LDLRAD1: variants seen among roughly 807,000 people sequenced by gnomAD.
LDLRAD1 encodes the protein low-density lipoprotein receptor class A domain-containing protein 1.
LDLRAD1 carries 17 observed loss-of-function variants against 24.8 expected under a neutral mutation model. The ratio of observed to expected loss-of-function variants is 0.69; its 90% CI spans 0.47 to 1.03. The LOEUF is 1.03. Among genes scored for constraint, LDLRAD1 ranks in the 50% least tolerant of loss-of-function variants. The probability of loss-of-function intolerance (pLI) is 0.00; values close to 1 mark genes in which losing one functional copy is unlikely to be tolerated. For missense variants in LDLRAD1, 277 were observed against 271.0 expected (o/e 1.02, Z -0.16); for synonymous variants, 103 against 108.2 (o/e 0.95, Z 0.30).
In LDLRAD1 at chr1:54,012,179, A is replaced by C; in HGVS notation, c.304T>G (p.Cys102Gly). 1 of 1,614,140 alleles carries C rather than the reference A, an allele frequency of 6.2e-7. No homozygotes were observed. The change falls in exon 4 of 6, where the codon TGT (cysteine) becomes GGT (glycine). Residue 102 changes from cysteine (C) to glycine (G), a missense_variant. Transcript: ENST00000371360. ...ASGVCDGVRT[C>G]THGEDEDESL... is the part of the protein sequence containing the mutation. ...TCATCCTCGTCCTCGCCGTGGGTAC[A>C]GGTGCGAACGCCATCACAGACCCCA...
At chr1:54,013,229 A>G (rs1277102000) in intron 3 of LDLRAD1, among the ~76,000 whole-genome samples, 1 of 152,122 alleles carries the variant, frequency 6.6e-6, no homozygotes, top group Non-Finnish European at 1.5e-5. Context: ...ATGAACATGC[A>G]TACACAGCTG....
chr1:54,013,372 C>T (rs1244008666), intron 3 of LDLRAD1, among the ~76,000 whole-genome samples: 2 of 151,816 alleles, frequency 1.3e-5, no homozygotes, highest in Non-Finnish European at 2.9e-5. Flanking sequence ...AGCCCCCGCC[C>T]CCACCTCAGC....
intron 4 of LDLRAD1, among the ~76,000 whole-genome samples, chr1:54,011,476 T>C (rs1656047620): frequency 6.6e-6 from 1 of 152,100 alleles, no homozygotes; most frequent in Admixed American, 6.5e-5. Context: ...CTTTTGAGAT[T>C]GCTTCTTGTC....
chr1:54,014,142 G>A (rs1656186403), intron 3 of LDLRAD1, 94 bp downstream of exon 3: 1 of 1,445,622 alleles, frequency 6.9e-7, no homozygotes, highest in Non-Finnish European at 9.4e-7. Context: ...GTCACCTGGT[G>A]GAGAAGCCAG....
In LDLRAD1 at chr1:54,007,774, AC is replaced by A. The variant is rs1438966517; in HGVS notation, c.*1207del. On this transcript the variant is annotated 3_prime_UTR_variant, in exon 6 of 6. Transcript: ENST00000371360. The stretch of plus-strand genomic sequence containing the variant: ...CTCACTTTTAAAATACCCCGCAGAG[AC>A]TGCCCTGGCCAAGGTATAATCACAC... The A allele has an allele frequency of 1.3e-5, 2 of 152,286 alleles. No individual in the cohort carries two copies. The highest frequency in any genetic ancestry group is 2.4e-5 in the African/African-American group (1 of 41,448). 9.4% of individuals were successfully genotyped at this position (152,286 alleles called of 1,614,324 possible). A position where few individuals can be genotyped will look rare whatever the true frequency, so the allele number is the denominator to read the frequency against.
intron 4 of LDLRAD1, 41 bp downstream of exon 4, chr1:54,012,102 G>A (rs371343139): frequency 5.0e-6 from 8 of 1,608,384 alleles, no homozygotes; most frequent in African/African-American, 1.3e-5. Context: ...ATCGGAGTGT[G>A]GGGGAACCCC....
At chr1:54,011,130 C>T (rs1471133783) in intron 4 of LDLRAD1, among the ~76,000 whole-genome samples, 1 of 152,068 alleles carries the variant, frequency 6.6e-6, no homozygotes, top group East Asian at 1.9e-4. Context: ...GGAACTGGGT[C>T]ACAAGGGGGC....
At chr1:54,017,150 A>G (rs1656340835) in intron 2 of LDLRAD1, among the ~76,000 whole-genome samples, 1 of 152,238 alleles carries the variant, frequency 6.6e-6, no homozygotes, top group Admixed American at 6.5e-5. Context: ...TAGGCAGCAC[A>G]CAGTAGGTGC....
rs1030198047 is a variant in LDLRAD1 at position 54,014,154 on chromosome 1, C to A, written c.202+82G>T. On this transcript the variant is annotated intron_variant, in intron 3 of 5. Transcript: ENST00000371360. ...AAAGTCACCTGGTGGAGAAGCCAGG[C>A]AGGTCGGGGCTCCCTCATCTCTCTG... 3 of 1,495,546 alleles carry A rather than the reference C, an allele frequency of 2.0e-6. No homozygotes were observed. The Admixed American group carries it at 6.2e-5, about 31-fold the overall frequency. 92.6% of individuals were successfully genotyped at this position (1,495,546 alleles called of 1,614,324 possible).
rs373377985 is a variant in LDLRAD1, at chr1:54,017,288, C to A, written c.73+88G>T. 170 of 1,085,068 alleles carry A rather than the reference C, an allele frequency of 1.6e-4. 1 individual carries two copies. In the African/African-American group the frequency reaches 2.2e-3, roughly 14 times the overall value. The allele number at this position is 1,085,068 out of a possible 1,614,324, so 67.2% of individuals were successfully genotyped here. A position where few individuals can be genotyped will look rare whatever the true frequency, so the allele number is the denominator to read the frequency against. On this transcript the variant is annotated intron_variant, in intron 2 of 5. Coordinates refer to ENST00000371360, the MANE Select transcript of LDLRAD1 (RefSeq NM_001010978.4). ...GCAGAGGTCTGAGGGACAGTGGGAG[C>A]CTTGAACCCTCCTCATGTCTCTATC... is the stretch of plus-strand genomic sequence containing the variant.
At position 54,007,408 on chromosome 1, in the gene LDLRAD1, C is replaced by A. The variant is rs1288668639; in HGVS notation, c.*1574G>T. ...AGTCTCTCTTTCAGAATATGGGTGT[C>A]ACACTTGCTGACCCTCAATCTCATG... On this transcript the variant is annotated 3_prime_UTR_variant, in exon 6 of 6. Coordinates refer to ENST00000371360, the MANE Select transcript of LDLRAD1 (RefSeq NM_001010978.4). The A allele has an allele frequency of 6.6e-6, 1 of 152,196 alleles. No homozygotes were observed. The highest frequency in any genetic ancestry group is 1.5e-5 in the Non-Finnish European group (1 of 68,048). 9.4% of individuals were successfully genotyped at this position (152,196 alleles called of 1,614,324 possible). A position where few individuals can be genotyped will look rare whatever the true frequency, so the allele number is the denominator to read the frequency against.
intron 5 of LDLRAD1, among the ~76,000 whole-genome samples, chr1:54,009,820 T>A (rs1655972913): frequency 6.6e-6 from 1 of 152,170 alleles, no homozygotes; most frequent in Admixed American, 6.5e-5. Context: ...GGGACTTGGA[T>A]CAGGAGGCCT....
chr1:54,012,235 C>G lies in LDLRAD1; in HGVS notation c.248G>C (p.Cys83Ser). Residue 83 changes from cysteine (C) to serine (S), a missense_variant, in exon 4 of 6, where the codon TGC (cysteine) becomes TCC (serine). Physicochemically the swap from Cys to Ser is moderately radical, Grantham distance 112. Transcript: ENST00000371360. The stretch of plus-strand genomic sequence containing the variant: ...TGGAATGCAGCTCCTCTGGTCATGG[C>G]ACAAGAAGCCTGTCCTGTTTGTCAG... ...ITLTNRTGFL[C>S]HDQRSCIPAS... The G allele has an allele frequency of 6.2e-7, 1 of 1,614,130 alleles. No individual in the cohort carries two copies.
chr1:54,015,596 C>T (rs1233493847), intron 2 of LDLRAD1, among the ~76,000 whole-genome samples: 1 of 151,854 alleles, frequency 6.6e-6, no homozygotes, highest in Non-Finnish European at 1.5e-5. Flanking sequence ...TGATTCATCC[C>T]TGTGACCCCA....
At chr1:54,010,138 A>G in intron 5 of LDLRAD1, 144 bp downstream of exon 5, 2 of 843,340 alleles carry the variant, frequency 2.4e-6, no homozygotes, top group Non-Finnish European at 3.6e-6. Context: ...CCATCACAGG[A>G]TGTATTCAAG....
At chr1:54,014,195 TC>T in intron 3 of LDLRAD1, 40 bp downstream of exon 3, 1 of 1,559,998 alleles carries the variant, frequency 6.4e-7, no homozygotes, top group Non-Finnish European at 8.7e-7. Context: ...TCCCATGCCC[TC>T]CCCGCCGGGT....
At chr1:54,012,831 C>T (rs897389896) in intron 3 of LDLRAD1, among the ~76,000 whole-genome samples, 13 of 152,236 alleles carry the variant, frequency 8.5e-5, no homozygotes, top group Admixed American at 2.6e-4. Context: ...CCCTGCGACA[C>T]GTCATCATTA....
chr1:54,009,712 AG>A (rs1246554004), intron 5 of LDLRAD1, among the ~76,000 whole-genome samples: 2 of 152,090 alleles, frequency 1.3e-5, no homozygotes, highest in Non-Finnish European at 2.9e-5. Flanking sequence ...ATCTGATACC[AG>A]GTGCGTTCTG....
chr1:54,014,694 T>G (rs1418732581), intron 2 of LDLRAD1, among the ~76,000 whole-genome samples: 4 of 152,060 alleles, frequency 2.6e-5, no homozygotes, highest in African/African-American at 9.7e-5. Flanking sequence ...GCCCCCACCT[T>G]GGGGCAGAAG....
Sources: gnomAD v4.1 joint callset for allele counts (sites outside exome capture counted in the v4.1 genomes callset) on GRCh38, gnomAD v4.1.1 for gene constraint, MANE v1.5 for transcripts, NCBI Gene and HGNC (gene_info 2026-07-23, HGNC 2026-07-21) for gene names.